Variants in COL25A1 observed in about 807,000 individuals in gnomAD.
COL25A1 encodes collagen alpha-1(XXV) chain.
In COL25A1, 103 loss-of-function variants were observed where a neutral mutation model predicts 128.4. The ratio of observed to expected loss-of-function variants is 0.80; its 90% CI spans 0.68 to 0.94. COL25A1 has a LOEUF of 0.94. Ranked by LOEUF, COL25A1 falls within the 40% of genes least tolerant of loss-of-function variation. COL25A1 has a pLI of 0.00. For missense variants in COL25A1, 745 were observed against 840.0 expected (o/e 0.89, Z 1.40); for synonymous variants, 279 against 277.2 (o/e 1.01, Z -0.06).
At chr4:109,077,121 A>C (rs1046431744) in intron 3 of COL25A1, among the ~76,000 whole-genome samples, 6 of 152,232 alleles carry the variant, frequency 3.9e-5, no homozygotes, top group African/African-American at 1.2e-4. Flanking sequence ...TAATTGGCAC[A>C]ACACCAAACA....
In COL25A1 at chr4:108,936,800, A is replaced by AATATATATATATATATATAT. The variant is rs138668509; in HGVS notation, c.708+988_708+1007dup. 1.8e-4 allele frequency among the ~76,000 whole-genome samples: 24 copies of AATATATATATATATATATAT among 134,728 alleles called. No individual in the cohort carries two copies. The South Asian group carries it at 1.9e-3, about 10-fold the overall frequency. 88.4% of individuals were successfully genotyped at this position (134,728 alleles called of 152,430 possible). A position where few individuals can be genotyped will look rare whatever the true frequency, so the allele number is the denominator to read the frequency against. ...TTCACTAGGACCTACCTGTTTCTTAAATATATATATATATATATATATATT... is the reference window on the plus strand; with the variant it reads ...TTCACTAGGACCTACCTGTTTCTTAAATATATATATATATATATATATATATATATATATATATATATATT... On this transcript the variant is annotated intron_variant, in intron 11 of 37. Coordinates refer to ENST00000399132, the MANE Select transcript of COL25A1 (RefSeq NM_198721.4).
intron 35 of COL25A1, 195 bp downstream of exon 35, chr4:108,823,979 C>CA: frequency 1.3e-6 from 2 of 1,519,348 alleles, no homozygotes; most frequent in Non-Finnish European, 1.7e-6. Context: ...CTATGCCAGG[C>CA]AGTGCCCTTA....
At chr4:109,168,703 T>G (rs995179901) in intron 3 of COL25A1, among the ~76,000 whole-genome samples, 1 of 152,182 alleles carries the variant, frequency 6.6e-6, no homozygotes, top group Admixed American at 6.6e-5. Context: ...GCCAAAAGTT[T>G]AATCTGGAAC....
intron 15 of COL25A1, 30 bp downstream of exon 15, chr4:108,899,124 A>T: frequency 6.2e-7 from 1 of 1,603,884 alleles, no homozygotes. Context: ...GGGAGTAGGG[A>T]GAGAGAAATA....
At chr4:108,981,732 T>C (rs1444440227) in intron 6 of COL25A1, among the ~76,000 whole-genome samples, 1 of 152,198 alleles carries the variant, frequency 6.6e-6, no homozygotes, top group African/African-American at 2.4e-5. Flanking sequence ...AATCTTAAAA[T>C]GGGGAAAATA....
In COL25A1 at chr4:109,133,848, C is replaced by A. The variant is rs527342888; in HGVS notation, c.368-83669G>T. Reference sequence around the variant, plus strand: ...AAGATGAATAAAATGTTAGGCATAACCTCAAAAAACCCTCAGTCTATTAGG... The same window carrying A: ...AAGATGAATAAAATGTTAGGCATAAACTCAAAAAACCCTCAGTCTATTAGG... On this transcript the variant is annotated intron_variant, in intron 3 of 37. Transcript: ENST00000399132. Among the ~76,000 whole-genome samples, 3 of 152,130 alleles carry A rather than the reference C, an allele frequency of 2.0e-5. No homozygotes were observed. The East Asian group carries it at 5.8e-4, about 29-fold the overall frequency.
At chr4:108,981,037 C>T (rs1433390503) in intron 6 of COL25A1, among the ~76,000 whole-genome samples, 2 of 152,206 alleles carry the variant, frequency 1.3e-5, no homozygotes, top group Non-Finnish European at 2.9e-5. Context: ...CAATGACACA[C>T]ATACTCAATC....
intron 11 of COL25A1, among the ~76,000 whole-genome samples, chr4:108,933,646 T>C (rs774136562): frequency 6.6e-6 from 1 of 152,214 alleles, no homozygotes; most frequent in Admixed American, 6.5e-5. Flanking sequence ...GTAGTACTTC[T>C]CAATTATGGA....
rs1730902907 is a variant in COL25A1, at chr4:108,812,794, A to G, written c.*1133T>C. On this transcript the variant is annotated 3_prime_UTR_variant, in exon 38 of 38. Transcript: ENST00000399132. Reference sequence around the variant, plus strand: ...CAACAACTTTGGCACAGATTGTCCCAGTAAGCTCTCCTATATCATCGGGAG... The same window carrying G: ...CAACAACTTTGGCACAGATTGTCCCGGTAAGCTCTCCTATATCATCGGGAG... 6.6e-6 allele frequency: 1 copy of G among 152,196 alleles called. No homozygotes were observed. The highest frequency in any genetic ancestry group is 1.5e-5 in the Non-Finnish European group (1 of 68,038). 9.4% of individuals were successfully genotyped at this position (152,196 alleles called of 1,614,324 possible).
intron 8 of COL25A1, among the ~76,000 whole-genome samples, chr4:108,947,929 T>G (rs1748967425): frequency 6.6e-6 from 1 of 152,168 alleles, no homozygotes. Context: ...ATATGCATTA[T>G]GCTGAGAAAT....
At chr4:109,247,928 G>C (rs936775544) in intron 3 of COL25A1, among the ~76,000 whole-genome samples, 5 of 152,072 alleles carry the variant, frequency 3.3e-5, no homozygotes, top group African/African-American at 9.7e-5. Flanking sequence ...ACAGAAAGAA[G>C]AGAATCAAGA....
intron 3 of COL25A1, among the ~76,000 whole-genome samples, chr4:109,299,826 G>A (rs986529161): frequency 6.6e-6 from 1 of 152,036 alleles, no homozygotes; most frequent in Non-Finnish European, 1.5e-5. Context: ...AAATTGTTAG[G>A]TCTAAGATAT....
chr4:109,265,630 T>C (rs1318763773), intron 3 of COL25A1, among the ~76,000 whole-genome samples: 3 of 151,214 alleles, frequency 2.0e-5, no homozygotes, highest in African/African-American at 7.3e-5. Context: ...GAATTCAAGA[T>C]ACCATAACTT....
chr4:109,144,703 G>A (rs1470469953), intron 3 of COL25A1, among the ~76,000 whole-genome samples: 3 of 152,148 alleles, frequency 2.0e-5, no homozygotes, highest in Middle Eastern at 3.2e-3. Flanking sequence ...ACACCTCTGC[G>A]TAGCACTTCA....
Position 108,977,614 on chromosome 4 carries a change from T to C in COL25A1, c.439-3055A>G, listed in dbSNP as rs12152701. Among the ~76,000 whole-genome samples, 4 of 152,242 alleles carry C rather than the reference T, an allele frequency of 2.6e-5. No homozygotes were observed. In the East Asian group the frequency reaches 7.7e-4, roughly 29 times the overall value. ...GGTTCTAGTCTTGATTTAAGTAGCA[T>C]GTTAGTTAACTTTATTTCGATTTTT... is the stretch of plus-strand genomic sequence containing the variant. On this transcript the variant is annotated intron_variant, in intron 6 of 37. Transcript: ENST00000399132.
chr4:109,222,583 T>C (rs1778504828), intron 3 of COL25A1, among the ~76,000 whole-genome samples: 1 of 152,176 alleles, frequency 6.6e-6, no homozygotes, highest in Non-Finnish European at 1.5e-5. Flanking sequence ...CTTTAATATG[T>C]TTAACTTATA....
At chr4:108,871,845 G>A (rs1738755463) in intron 19 of COL25A1, among the ~76,000 whole-genome samples, 1 of 152,118 alleles carries the variant, frequency 6.6e-6, no homozygotes, top group Admixed American at 6.5e-5. Context: ...GGCAGGATGG[G>A]CAGGAGTTAA....
chr4:108,960,953 T>C (rs997453086), intron 8 of COL25A1, among the ~76,000 whole-genome samples: 4 of 139,148 alleles, frequency 2.9e-5, no homozygotes, highest in Non-Finnish European at 6.4e-5. Flanking sequence ...CACTAAATTA[T>C]TGTTAATTTA....
In COL25A1 at chr4:108,941,326, T is replaced by C. The variant is rs1161811805; in HGVS notation, c.564+40A>G. On this transcript the variant is annotated intron_variant, in intron 9 of 37. Transcript: ENST00000399132. ...AATAGGTACACAGAGCAATAACTGA[T>C]GTAAAGAAGAAATCAGACTTCAGCA... The C allele has an allele frequency of 2.7e-6, 4 of 1,507,458 alleles. No individual in the cohort carries two copies. In the East Asian group the frequency reaches 6.8e-5, roughly 25 times the overall value. 93.4% of individuals were successfully genotyped at this position (1,507,458 alleles called of 1,614,324 possible).
Sources: gnomAD v4.1 joint callset for allele counts (sites outside exome capture counted in the v4.1 genomes callset) on GRCh38, gnomAD v4.1.1 for gene constraint, MANE v1.5 for transcripts, NCBI Gene and HGNC (gene_info 2026-07-23, HGNC 2026-07-21) for gene names.